The following NAALADL2 variants were observed in gnomAD, a reference collection of about 807,000 sequenced individuals.
The protein encoded by NAALADL2 is inactive N-acetylated-alpha-linked acidic dipeptidase-like protein 2.
Under a neutral mutation model 87.2 loss-of-function variants are expected in NAALADL2, and 76 were observed. The observed-to-expected ratio is 0.87, with a 90% CI of 0.72 to 1.05. The LOEUF is 1.05. Ranked by LOEUF, NAALADL2 falls within the 50% of genes least tolerant of loss-of-function variation. NAALADL2 has a pLI of 0.00. For synonymous variants in NAALADL2, 354 were observed against 331.0 expected, an observed-to-expected ratio of 1.07 and a Z score of -0.75; for missense variants, 1,089 against 945.8, an observed-to-expected ratio of 1.15 and a Z score of -1.99.
chr3:175,246,711 G>A (rs1343206577), intron 3 of NAALADL2, among the ~76,000 whole-genome samples: 3 of 152,056 alleles, frequency 2.0e-5, no homozygotes, highest in Non-Finnish European at 4.4e-5. Context: ...TTACTTTTCT[G>A]TTGCTTCTGC....
intron 2 of NAALADL2, among the ~76,000 whole-genome samples, chr3:174,693,727 G>A (rs976069897): frequency 1.3e-5 from 2 of 152,100 alleles, no homozygotes; most frequent in African/African-American, 4.8e-5. Flanking sequence ...AATAAACAAT[G>A]GAAGATAAGG....
chr3:174,745,397 AAGTCGAAT>A (rs2109020984), intron 3 of NAALADL2, among the ~76,000 whole-genome samples: 1 of 152,242 alleles, frequency 6.6e-6, no homozygotes, highest in African/African-American at 2.4e-5. Context: ...AACCAGGAGG[AAGTCGAAT>A]CCCTGAATAG....
Position 175,514,582 on chromosome 3 carries a change from T to C in NAALADL2, c.1653+42824T>C, listed in dbSNP as rs148312200. On this transcript the variant is annotated intron_variant, in intron 9 of 13. Coordinates refer to ENST00000454872, the MANE Select transcript of NAALADL2 (RefSeq NM_207015.3). ...TTACCTGTTTCTGTATTATCCTCTC[T>C]TCCGGTTGGAATGCACCAAAAGTGC... 1.2e-3 allele frequency among the ~76,000 whole-genome samples: 187 copies of C among 152,306 alleles called. 2 individuals carry two copies. The highest frequency in any genetic ancestry group is 4.2e-3 in the African/African-American group (174 of 41,564).
chr3:174,962,379 T>TATATATATATGTCATAGTGACTATGAC lies in NAALADL2; in HGVS notation c.43+102939_43+102940insGTCATAGTGACTATGACATATATATAT, dbSNP rs1560417063. On this transcript the variant is annotated intron_variant, in intron 1 of 13. Transcript: ENST00000454872. ...TGTCATAGTGACTATGACATATATA[T>TATATATATATGTCATAGTGACTATGAC]ATATATATATATATATGTCATAGTG... Among the ~76,000 whole-genome samples, 543 of 102,476 alleles carry TATATATATATGTCATAGTGACTATGAC rather than the reference T, an allele frequency of 5.3e-3. 29 individuals are homozygous for TATATATATATGTCATAGTGACTATGAC. Among genetic ancestry groups the TATATATATATGTCATAGTGACTATGAC allele is most frequent in the African/African-American group, 0.041 (525 of 12,660 alleles). The allele number at this position is 102,476 out of a possible 152,430, so 67.2% of individuals were successfully genotyped here. A position where few individuals can be genotyped will look rare whatever the true frequency, so the allele number is the denominator to read the frequency against.
At chr3:174,649,409 TAC>T (rs1165661095) in intron 2 of NAALADL2, among the ~76,000 whole-genome samples, 11 of 152,314 alleles carry the variant, frequency 7.2e-5, no homozygotes, top group African/African-American at 2.4e-4. Context: ...TACATATATA[TAC>T]GTTTATATTA....
chr3:175,767,180 A>T (rs1748821029), intron 13 of NAALADL2, among the ~76,000 whole-genome samples: 1 of 152,104 alleles, frequency 6.6e-6, no homozygotes, highest in Non-Finnish European at 1.5e-5. Flanking sequence ...TCTGCTTGCT[A>T]AAAACACAAG....
chr3:174,562,351 G>A (rs1043506947), intron 2 of NAALADL2, among the ~76,000 whole-genome samples: 2 of 152,026 alleles, frequency 1.3e-5, no homozygotes, highest in East Asian at 3.9e-4. Context: ...AGCCTTAAAG[G>A]TGTGCTATTG....
At chr3:175,151,254 G>A (rs1450110143) in intron 2 of NAALADL2, among the ~76,000 whole-genome samples, 1 of 152,112 alleles carries the variant, frequency 6.6e-6, no homozygotes, top group East Asian at 1.9e-4. Context: ...GGCACCTTGG[G>A]GAAGTCAGCT....
At chr3:174,926,593 T>G (rs925761961) in intron 1 of NAALADL2, among the ~76,000 whole-genome samples, 1 of 151,970 alleles carries the variant, frequency 6.6e-6, no homozygotes, top group African/African-American at 2.4e-5. Context: ...GAATTTCATA[T>G]CCAGCCAAAC....
intron 1 of NAALADL2, among the ~76,000 whole-genome samples, chr3:174,894,501 C>T (rs890952815): frequency 5.4e-5 from 8 of 148,752 alleles, no homozygotes; most frequent in South Asian, 4.3e-4. Context: ...GGCTGAGGCA[C>T]GAGGATCGCT....
At chr3:174,988,885 G>A (rs1347019566) in intron 1 of NAALADL2, among the ~76,000 whole-genome samples, 2 of 152,152 alleles carry the variant, frequency 1.3e-5, no homozygotes, top group African/African-American at 2.4e-5. Context: ...AAAACTACCT[G>A]AGGCTGGGTA....
upstream of NAALADL2, among the ~76,000 whole-genome samples, chr3:174,858,882 C>T (rs911413854): frequency 6.6e-6 from 1 of 151,792 alleles, no homozygotes; most frequent in African/African-American, 2.4e-5. Context: ...AGTCACACAG[C>T]AAGTATTAGA....
At chr3:174,450,563 C>G (rs893342788) in intron 1 of NAALADL2, among the ~76,000 whole-genome samples, 1 of 151,800 alleles carries the variant, frequency 6.6e-6, no homozygotes, top group East Asian at 1.9e-4. Context: ...ATGTAATTTT[C>G]TCAAGTTTCA....
intron 5 of NAALADL2, among the ~76,000 whole-genome samples, chr3:175,373,570 T>C (rs1178372620): frequency 6.6e-6 from 1 of 152,200 alleles, no homozygotes; most frequent in African/African-American, 2.4e-5. Context: ...TTTTGCTAAT[T>C]GTCATTTGGA....
intron 2 of NAALADL2, among the ~76,000 whole-genome samples, chr3:175,118,938 G>C (rs1479870430): frequency 6.6e-6 from 1 of 151,652 alleles, no homozygotes; most frequent in Non-Finnish European, 1.5e-5. Flanking sequence ...AGATATGCTG[G>C]TCATCAGGTA....
chr3:174,657,233 C>T (rs1028289518), intron 2 of NAALADL2, among the ~76,000 whole-genome samples: 1 of 151,810 alleles, frequency 6.6e-6, no homozygotes, highest in Admixed American at 6.6e-5. Context: ...GCCATGTTGC[C>T]ATGTTGCTGG....
intron 1 of NAALADL2, among the ~76,000 whole-genome samples, chr3:174,970,267 T>A (rs894837985): frequency 6.6e-6 from 1 of 152,194 alleles, no homozygotes; most frequent in Admixed American, 6.5e-5. Context: ...GAAATAATTA[T>A]TTCAAATAAA....
At chr3:175,138,922 A>ATATATATG (rs1729568886) in intron 2 of NAALADL2, among the ~76,000 whole-genome samples, 1 of 138,784 alleles carries the variant, frequency 7.2e-6, no homozygotes, top group African/African-American at 2.6e-5. Flanking sequence ...ATATATATAT[A>ATATATATG]TATGATAGTG....
At chr3:174,595,157 A>G (rs1337890387) in intron 2 of NAALADL2, among the ~76,000 whole-genome samples, 1 of 152,016 alleles carries the variant, frequency 6.6e-6, no homozygotes, top group Non-Finnish European at 1.5e-5. Context: ...TTGAGAAGAG[A>G]TGTACACATT....
Sources: allele counts gnomAD v4.1 joint callset (sites outside exome capture counted in the v4.1 genomes callset), GRCh38; gene constraint gnomAD v4.1.1; transcripts MANE v1.5; gene names NCBI Gene and HGNC (gene_info 2026-07-23, HGNC 2026-07-21).